Variants in FBP2 observed in about 807,000 individuals in gnomAD.
The protein encoded by FBP2 is fructose-bisphosphatase 2, also known as fructose-1,6-bisphosphatase isozyme 2.
FBP2 carries 27 observed loss-of-function variants against 31.6 expected under a neutral mutation model. The ratio of observed to expected loss-of-function variants is 0.85; its 90% CI spans 0.63 to 1.18. FBP2 has a LOEUF of 1.18. Among genes scored for constraint, FBP2 ranks in the 50% most tolerant of loss-of-function variants. FBP2 has a pLI of 0.00. For synonymous variants in FBP2, 168 were observed against 179.8 expected, an observed-to-expected ratio of 0.93 and a Z score of 0.53; for missense variants, 421 against 436.1, an observed-to-expected ratio of 0.97 and a Z score of 0.31.
intron 2 of FBP2, 105 bp downstream of exon 2, chr9:94,587,202 A>T: frequency 2.0e-6 from 2 of 997,602 alleles, no homozygotes; most frequent in Non-Finnish European, 2.9e-6. Context: ...AACAAATGTT[A>T]AGAAATAGAG....
At chr9:94,572,339 A>G (rs1348855811) in intron 3 of FBP2, among the ~76,000 whole-genome samples, 1 of 151,984 alleles carries the variant, frequency 6.6e-6, no homozygotes, top group African/African-American at 2.4e-5. Context: ...ACACACGCAC[A>G]CTTATTTGAT....
At chr9:94,570,444 G>C (rs1456107427) in intron 4 of FBP2, 2 of 152,176 alleles carry the variant, frequency 1.3e-5, no homozygotes, top group African/African-American at 2.4e-5. Context: ...ATATCTCATA[G>C]GGCCACTGTG....
At chr9:94,564,697 GAT>G (rs1466098517) in intron 5 of FBP2, among the ~76,000 whole-genome samples, 3 of 152,128 alleles carry the variant, frequency 2.0e-5, no homozygotes, top group African/African-American at 7.2e-5. Context: ...GAGCAGAAAA[GAT>G]AAGTATTGGA....
chr9:94,563,481 G>A lies in FBP2; in HGVS notation c.706-20C>T. ...GCCATCCTAGAAGACAGAAAGCGAA[G>A]AGACAAGATCCAGTGGCTTTCAGGA... On this transcript the variant is annotated intron_variant, in intron 5 of 6. Coordinates refer to ENST00000375337, the MANE Select transcript of FBP2 (RefSeq NM_003837.4). 6.2e-7 allele frequency: 1 copy of A among 1,610,764 alleles called. No homozygotes were observed. Among genetic ancestry groups the A allele is most frequent in the Non-Finnish European group, 8.5e-7 (1 of 1,177,792 alleles).
intron 3 of FBP2, among the ~76,000 whole-genome samples, chr9:94,578,374 A>C (rs1035934375): frequency 6.6e-6 from 1 of 152,208 alleles, no homozygotes; most frequent in Non-Finnish European, 1.5e-5. Context: ...ATAATGACTA[A>C]CTTTGTATAA....
intron 3 of FBP2, among the ~76,000 whole-genome samples, chr9:94,582,189 G>A (rs1587844115): frequency 6.6e-6 from 1 of 152,178 alleles, no homozygotes; most frequent in Non-Finnish European, 1.5e-5. Context: ...GTGCCTTTAT[G>A]TCCTAGAAAG....
Position 94,558,840 on chromosome 9 carries a change from T to G in FBP2, c.*98A>C. ...CTGTATGTGATTAAGTGGATTTACC[T>G]TTTGTATACTCATAGCTACCATCTC... On this transcript the variant is annotated 3_prime_UTR_variant, in exon 7 of 7. Coordinates refer to ENST00000375337, the MANE Select transcript of FBP2 (RefSeq NM_003837.4). 8.6e-7 allele frequency: 1 copy of G among 1,166,798 alleles called. No homozygotes were observed. Among genetic ancestry groups the G allele is most frequent in the Non-Finnish European group, 1.3e-6 (1 of 795,382 alleles). The allele number at this position is 1,166,798 out of a possible 1,614,324, so 72.3% of individuals were successfully genotyped here.
intron 3 of FBP2, among the ~76,000 whole-genome samples, chr9:94,573,540 G>C (rs992426054): frequency 1.3e-5 from 2 of 152,166 alleles, no homozygotes; most frequent in Non-Finnish European, 2.9e-5. Flanking sequence ...TAATGAATGA[G>C]TGTTGAATTT....
intron 6 of FBP2, among the ~76,000 whole-genome samples, chr9:94,562,198 C>T (rs903719037): frequency 6.6e-6 from 1 of 150,942 alleles, no homozygotes; most frequent in Non-Finnish European, 1.5e-5. Context: ...GTAGTCCCAG[C>T]TACTCTGAGG....
At chr9:94,564,859 T>C (rs1355182356) in intron 5 of FBP2, among the ~76,000 whole-genome samples, 4 of 152,178 alleles carry the variant, frequency 2.6e-5, no homozygotes, top group African/African-American at 7.2e-5. Flanking sequence ...GAATATGTTA[T>C]AGTGTTCTGA....
At position 94,558,857 on chromosome 9, in the gene FBP2, T is replaced by C; in HGVS notation, c.*81A>G. 7.6e-7 allele frequency: 1 copy of C among 1,314,106 alleles called. No individual in the cohort carries two copies. The highest frequency in any genetic ancestry group is 1.1e-6 in the Non-Finnish European group (1 of 915,338). The allele number at this position is 1,314,106 out of a possible 1,614,324, so 81.4% of individuals were successfully genotyped here. A position where few individuals can be genotyped will look rare whatever the true frequency, so the allele number is the denominator to read the frequency against. On this transcript the variant is annotated 3_prime_UTR_variant, in exon 7 of 7. Coordinates refer to ENST00000375337, the MANE Select transcript of FBP2 (RefSeq NM_003837.4). ...GATTTACCTTTTGTATACTCATAGCTACCATCTCTGTTTATCGTTCATTTA... is the reference window on the plus strand; with the variant it reads ...GATTTACCTTTTGTATACTCATAGCCACCATCTCTGTTTATCGTTCATTTA...
intron 3 of FBP2, among the ~76,000 whole-genome samples, chr9:94,581,944 T>A (rs1214902927): frequency 6.6e-6 from 1 of 152,176 alleles, no homozygotes; most frequent in Non-Finnish European, 1.5e-5. Context: ...GGTTAGTCAC[T>A]CACTCCTATT....
intron 2 of FBP2, among the ~76,000 whole-genome samples, chr9:94,586,390 T>C (rs1484866773): frequency 6.6e-6 from 1 of 151,832 alleles, no homozygotes; most frequent in African/African-American, 2.4e-5. Context: ...CTCAAAAAAA[T>C]AAATAAATAA....
intron 6 of FBP2, 83 bp downstream of exon 6, chr9:94,563,259 A>G: frequency 2.7e-6 from 4 of 1,484,762 alleles, no homozygotes; most frequent in Non-Finnish European, 3.7e-6. Flanking sequence ...GAAGCAGTGC[A>G]GTAGCCAAAC....
At chr9:94,560,333 G>A (rs1247574004) in intron 6 of FBP2, among the ~76,000 whole-genome samples, 3 of 152,186 alleles carry the variant, frequency 2.0e-5, no homozygotes, top group Admixed American at 6.5e-5. Context: ...CTGTGAGTAC[G>A]CAGTGAATTG....
intron 3 of FBP2, among the ~76,000 whole-genome samples, chr9:94,583,916 T>C (rs895175572): frequency 3.3e-5 from 5 of 152,208 alleles, no homozygotes; most frequent in Non-Finnish European, 7.3e-5. Flanking sequence ...GAGGTTGCTA[T>C]GGATTTTATT....
At position 94,593,569 on chromosome 9, in the gene FBP2, C is replaced by CT. The variant is rs1827524346; in HGVS notation, c.157_158insA (p.Gly53GlufsTer13). ...CCCCAGGACTCACAGGTGGGCCAGA[C>CT]CGGCCTTGCGCACAGCCGAGGAGAT... On this transcript the variant is annotated frameshift_variant, in exon 1 of 7. Coordinates refer to ENST00000375337, the MANE Select transcript of FBP2 (RefSeq NM_003837.4). LOFTEE classifies it high-confidence loss of function. The CT allele has an allele frequency of 6.2e-7, 1 of 1,613,348 alleles. No individual in the cohort carries two copies. Among genetic ancestry groups the CT allele is most frequent in the African/African-American group, 1.3e-5 (1 of 74,906 alleles).
At chr9:94,562,199 T>C (rs1233353522) in intron 6 of FBP2, among the ~76,000 whole-genome samples, 4 of 150,490 alleles carry the variant, frequency 2.7e-5, no homozygotes, top group African/African-American at 9.8e-5. Flanking sequence ...TAGTCCCAGC[T>C]ACTCTGAGGC....
chr9:94,579,073 T>TAAAAAAAAAAAAAA (rs1827347830), intron 3 of FBP2, among the ~76,000 whole-genome samples: 1 of 35,742 alleles, frequency 2.8e-5, no homozygotes, highest in African/African-American at 1.1e-4. Flanking sequence ...AAAAAAAGGT[T>TAAAAAAAAAAAAAA]ATTTTAAAAG....
Sources: allele counts gnomAD v4.1 joint callset (sites outside exome capture counted in the v4.1 genomes callset), GRCh38; gene constraint gnomAD v4.1.1; transcripts MANE v1.5; gene names NCBI Gene and HGNC (gene_info 2026-07-23, HGNC 2026-07-21).